Variants in VBP1 observed in about 807,000 individuals in gnomAD.
VBP1 encodes VHL binding protein 1.
A neutral mutation model predicts 15.5 loss-of-function variants in VBP1; 4 were observed. The observed-to-expected ratio is 0.26, with a 90% CI of 0.13 to 0.59. The LOEUF (loss-of-function observed/expected upper bound fraction) is 0.59. Among genes scored for constraint, VBP1 ranks in the 20% least tolerant of loss-of-function variants. The pLI is 0.90. For synonymous variants in VBP1, 61 were observed against 52.1 expected, an observed-to-expected ratio of 1.17 and a Z score of -0.74; for missense variants, 108 against 139.6, an observed-to-expected ratio of 0.77 and a Z score of 1.14.
At chrX:155,221,242 G>C (rs1400491684) in intron 2 of VBP1, among the ~76,000 whole-genome samples, 4 of 111,410 alleles carry the variant, frequency 3.6e-5, no homozygotes, top group African/African-American at 1.3e-4. Context: ...TGAGTTGGGA[G>C]AATTGCTTGA....
intron 2 of VBP1, among the ~76,000 whole-genome samples, chrX:155,220,602 T>C (rs1458721202): frequency 9.0e-6 from 1 of 111,703 alleles, no homozygotes; most frequent in African/African-American, 3.3e-5. Context: ...AGTTCATCCT[T>C]CTAATTTTGC....
chrX:155,197,575 C>T (rs782071040), intron 1 of VBP1, among the ~76,000 whole-genome samples: 9 of 112,194 alleles, frequency 8.0e-5, no homozygotes, highest in African/African-American at 2.3e-4. Context: ...TAAGAAAAAA[C>T]GCTCTTTTTT....
At chrX:155,224,935 A>G (rs2074712610) in intron 2 of VBP1, among the ~76,000 whole-genome samples, 1 of 111,284 alleles carries the variant, frequency 9.0e-6, no homozygotes, top group Admixed American at 9.5e-5. Flanking sequence ...TTAGATGGAT[A>G]GCCATGAGTT....
intron 2 of VBP1, among the ~76,000 whole-genome samples, chrX:155,221,021 G>A (rs781834134): frequency 1.0e-4 from 11 of 108,652 alleles, no homozygotes; most frequent in Middle Eastern, 4.9e-3. Context: ...GGAGACCCCC[G>A]TCTCTACAAA....
chrX:155,207,859 G>A (rs782530888), intron 1 of VBP1, among the ~76,000 whole-genome samples: 3 of 111,821 alleles, frequency 2.7e-5, no homozygotes, highest in South Asian at 3.7e-4. Context: ...CACATGCTCA[G>A]TGAACATGTC....
chrX:155,228,284 G>A (rs1557310440), intron 3 of VBP1, 100 bp from the exon 4 acceptor site: 18 of 646,684 alleles, frequency 2.8e-5, no homozygotes, highest in Non-Finnish European at 4.0e-5. Context: ...TGATGGTACT[G>A]TTTTAAATGT....
chrX:155,221,909 C>T (rs1247963304), intron 2 of VBP1, among the ~76,000 whole-genome samples: 1 of 111,966 alleles, frequency 8.9e-6, no homozygotes, highest in Non-Finnish European at 1.9e-5. Context: ...TGTTAATGGA[C>T]AGAAGCAAGA....
chrX:155,237,094 T>G (rs1237934166), intron 5 of VBP1, among the ~76,000 whole-genome samples: 1 of 112,041 alleles, frequency 8.9e-6, no homozygotes, highest in Non-Finnish European at 1.9e-5. Flanking sequence ...AGATAAAAGT[T>G]AGGCTGCTTT....
At chrX:155,199,663 T>A (rs2074593920) in intron 1 of VBP1, among the ~76,000 whole-genome samples, 1 of 111,893 alleles carries the variant, frequency 8.9e-6, no homozygotes, top group East Asian at 2.8e-4. Context: ...CATGCCAAAT[T>A]GTAAAGACCA....
chrX:155,222,734 C>T (rs2074695434), intron 2 of VBP1, among the ~76,000 whole-genome samples: 1 of 111,626 alleles, frequency 9.0e-6, no homozygotes, highest in African/African-American at 3.3e-5. Flanking sequence ...CATCAGTGAA[C>T]GTTGGTGTTC....
rs782452121 is a variant in VBP1 at position 155,236,339 on chromosome X, T to G, written c.495T>G (p.Leu165=). 1 of 1,208,712 alleles carries G rather than the reference T, an allele frequency of 8.3e-7. No individual in the cohort carries two copies. Among genetic ancestry groups the G allele is most frequent in the East Asian group, 3.0e-5 (1 of 33,722 alleles). Residue 165 remains leucine, a synonymous_variant, in exon 5 of 6, where the codon CTT becomes CTG. Transcript: ENST00000286428. ...CCCTGGAGGAAGACCTTGACTTTCT[T>G]CGAGATCAATTTACTACCACAGAAG... ...LDSLEEDLDF[L]RDQFTTTEVN... is the part of the protein sequence containing the mutation.
At chrX:155,225,990 A>G (rs1408813355) in intron 2 of VBP1, among the ~76,000 whole-genome samples, 2 of 112,188 alleles carry the variant, frequency 1.8e-5, no homozygotes, top group African/African-American at 6.5e-5. Flanking sequence ...AACCTGCTGC[A>G]CACATGGAGT....
At chrX:155,202,290 G>T (rs1369453225) in intron 1 of VBP1, among the ~76,000 whole-genome samples, 2 of 111,040 alleles carry the variant, frequency 1.8e-5, no homozygotes, top group African/African-American at 3.3e-5. Flanking sequence ...AAAAGAGCCC[G>T]CATTGCCAAG....
intron 1 of VBP1, among the ~76,000 whole-genome samples, chrX:155,201,992 A>G (rs1262344795): frequency 8.9e-6 from 1 of 111,776 alleles, no homozygotes; most frequent in Non-Finnish European, 1.9e-5. Flanking sequence ...CCAAATCATG[A>G]GTGAACTCCC....
At chrX:155,199,362 G>T (rs1557307091) in intron 1 of VBP1, among the ~76,000 whole-genome samples, 1 of 111,016 alleles carries the variant, frequency 9.0e-6, no homozygotes, top group Non-Finnish European at 1.9e-5. Context: ...CAGAGAGAAA[G>T]GTCGGGTTAC....
intron 5 of VBP1, among the ~76,000 whole-genome samples, chrX:155,238,430 T>A (rs1557311836): frequency 2.7e-5 from 3 of 112,075 alleles, no homozygotes. Flanking sequence ...GGTTGAGTGA[T>A]CTTTCAGATT....
chrX:155,216,440 C>G, upstream of VBP1: 1 of 1,158,417 alleles, frequency 8.6e-7, no homozygotes, highest in Non-Finnish European at 1.2e-6. Flanking sequence ...GGAATCCCGG[C>G]GGCCGGCGGC....
upstream of VBP1, among the ~76,000 whole-genome samples, chrX:155,212,751 G>A (rs1191899704): frequency 8.9e-6 from 1 of 111,829 alleles, no homozygotes; most frequent in Admixed American, 9.4e-5. Flanking sequence ...TAATGTCTGG[G>A]AGTCCCCAGG....
At chrX:155,198,767 T>C (rs1320656492) in intron 1 of VBP1, among the ~76,000 whole-genome samples, 1 of 111,978 alleles carries the variant, frequency 8.9e-6, no homozygotes, top group African/African-American at 3.2e-5. Context: ...GAGAATGACT[T>C]TGACGAGTTG....
Sources: allele counts gnomAD v4.1 joint callset (sites outside exome capture counted in the v4.1 genomes callset), GRCh38; gene constraint gnomAD v4.1.1; transcripts MANE v1.5; gene names NCBI Gene and HGNC (gene_info 2026-07-23, HGNC 2026-07-21).